Variants in ARMC9 observed in about 807,000 individuals in gnomAD.
The protein encoded by ARMC9 is armadillo repeat containing 9, also known as lisH domain-containing protein ARMC9.
In ARMC9, 94 loss-of-function variants were observed where a neutral mutation model predicts 107.0. That is an observed-to-expected ratio of 0.88 (90% CI 0.74 to 1.04). The LOEUF (loss-of-function observed/expected upper bound fraction) is 1.04. Among genes scored for constraint, ARMC9 ranks in the 50% least tolerant of loss-of-function variants. ARMC9 has a pLI of 0.00. For missense variants in ARMC9, 942 were observed against 1,030.1 expected, an observed-to-expected ratio of 0.91 and a Z score of 1.17; for synonymous variants, 380 against 396.9, an observed-to-expected ratio of 0.96 and a Z score of 0.51.
Position 231,208,622 on chromosome 2 carries a change from A to C in ARMC9, c.177+370A>C, listed in dbSNP as rs995043722. ...AGCCCCTTGCCAGCACAGCATTTGCATTCTAGCTTGGGGAGGTTGGAGGGA... is the reference window on the plus strand; with the variant it reads ...AGCCCCTTGCCAGCACAGCATTTGCCTTCTAGCTTGGGGAGGTTGGAGGGA... On this transcript the variant is annotated intron_variant, in intron 3 of 24. Transcript: ENST00000611582. Among the ~76,000 whole-genome samples, 108 of 152,362 alleles carry C rather than the reference A, an allele frequency of 7.1e-4. 1 individual carries two copies. The highest frequency in any genetic ancestry group is 2.5e-3 in the African/African-American group (103 of 41,590).
At chr2:231,352,661 GGATAGATA>G (rs150058513) in intron 21 of ARMC9, among the ~76,000 whole-genome samples, 40,131 of 144,908 alleles carry the variant, frequency 0.28, 5,722 homozygotes, top group African/African-American at 0.36. Flanking sequence ...GATGTTCACA[GGATAGATA>G]GATAGATAGA....
chr2:231,297,529 C>T lies in ARMC9; in HGVS notation c.1773+1276C>T, dbSNP rs1002279460. Among the ~76,000 whole-genome samples, 2 of 152,232 alleles carry T rather than the reference C, an allele frequency of 1.3e-5. No homozygotes were observed. The highest frequency in any genetic ancestry group is 4.8e-5 in the African/African-American group (2 of 41,458). On this transcript the variant is annotated intron_variant, in intron 19 of 24. Transcript: ENST00000611582. The surrounding 1 kb of genome is among the most constrained non-coding windows in gnomAD (Gnocchi z 4.2). ...TGTAACACGGTGGCTGTCAGCAGTACATAAGTGGCTGAACGTGGCTGTGTT... is the reference window on the plus strand; with the variant it reads ...TGTAACACGGTGGCTGTCAGCAGTATATAAGTGGCTGAACGTGGCTGTGTT...
At chr2:231,327,902 A>C (rs1417454868) in intron 19 of ARMC9, among the ~76,000 whole-genome samples, 1 of 152,084 alleles carries the variant, frequency 6.6e-6, no homozygotes, top group Non-Finnish European at 1.5e-5. Flanking sequence ...CTCATGCTTC[A>C]ACCTCCAAAG....
chr2:231,218,144 T>G (rs1434509544), intron 5 of ARMC9, among the ~76,000 whole-genome samples: 1 of 152,326 alleles, frequency 6.6e-6, no homozygotes, highest in South Asian at 2.1e-4. Context: ...GAATAGTAAC[T>G]GCTAAACTGA....
At chr2:231,215,224 T>G in intron 4 of ARMC9, 2 of 495,866 alleles carry the variant, frequency 4.0e-6, no homozygotes, top group East Asian at 7.2e-5. Context: ...AAAGCTATAT[T>G]CCTAAATACC....
At position 231,374,608 on chromosome 2, in the gene ARMC9, GAAAA is replaced by G. The variant is rs2046140358; in HGVS notation, c.*3074_*3077del. On this transcript the variant is annotated 3_prime_UTR_variant, in exon 25 of 25. Coordinates refer to ENST00000611582, the MANE Select transcript of ARMC9 (RefSeq NM_001352754.2). Reference sequence around the variant, plus strand: ...ACAAATAAGGTTCATGAAAAAAAAAGAAAAGAAAGAAAAGGTAAAGAAAAGAAAT... The same window carrying G: ...ACAAATAAGGTTCATGAAAAAAAAAGGAAAGAAAAGGTAAAGAAAAGAAAT... 1 of 147,786 alleles carries G rather than the reference GAAAA, an allele frequency of 6.8e-6. No individual in the cohort carries two copies. Among genetic ancestry groups the G allele is most frequent in the Non-Finnish European group, 1.5e-5 (1 of 66,668 alleles). 9.2% of individuals were successfully genotyped at this position (147,786 alleles called of 1,614,324 possible).
rs1446272868 is a variant in ARMC9 at position 231,370,058 on chromosome 2, C to T, written c.2367C>T (p.Phe789=). The change falls in exon 24 of 25, where the codon TTC becomes TTT. Residue 789 remains phenylalanine, a synonymous_variant. Coordinates refer to ENST00000611582, the MANE Select transcript of ARMC9 (RefSeq NM_001352754.2). ...AGGCGTCAGTTCTGGCCCCTCTGTT[C>T]TCTTCGTGTGGCCCCCAGCAGGCCA... ...KAKASVLAPL[F]SSCGPQQASR... 9.1e-6 allele frequency: 14 copies of T among 1,535,392 alleles called. No homozygotes were observed. Among genetic ancestry groups the T allele is most frequent in the Admixed American group, 2.0e-5 (1 of 50,922 alleles).
chr2:231,287,316 C>G (rs2040665372), intron 17 of ARMC9, among the ~76,000 whole-genome samples: 1 of 152,222 alleles, frequency 6.6e-6, no homozygotes, highest in African/African-American at 2.4e-5. Context: ...TTGCCCACTT[C>G]TGAATCAAAG....
Position 231,362,825 on chromosome 2 carries a change from C to G in ARMC9, c.2261+1942C>G, listed in dbSNP as rs2045645748. 6.5e-6 allele frequency: 1 copy of G among 154,196 alleles called. No individual in the cohort carries two copies. Among genetic ancestry groups the G allele is most frequent in the Non-Finnish European group, 1.5e-5 (1 of 68,188 alleles). 9.6% of individuals were successfully genotyped at this position (154,196 alleles called of 1,614,324 possible). The stretch of plus-strand genomic sequence containing the variant: ...AAGTGGCCATCTCTTGTCAGGCTGA[C>G]TTCAGCCCCAATTCAGGTCTCACTG... On this transcript the variant is annotated intron_variant, in intron 23 of 24. Transcript: ENST00000611582. The surrounding 1 kb of genome is among the most constrained non-coding windows in gnomAD (Gnocchi z 4.7).
At chr2:231,352,378 G>A (rs150420927) in intron 21 of ARMC9, among the ~76,000 whole-genome samples, 2,187 of 151,554 alleles carry the variant, frequency 0.014, 59 homozygotes, top group African/African-American at 0.049. Context: ...TTGCAACCTC[G>A]GTCTCCTGGG....
At chr2:231,303,955 G>A (rs1294305532) in intron 19 of ARMC9, among the ~76,000 whole-genome samples, 1 of 151,080 alleles carries the variant, frequency 6.6e-6, no homozygotes, top group Non-Finnish European at 1.5e-5. Context: ...ATTATGGCCA[G>A]GCGTGGTGGC....
intron 20 of ARMC9, among the ~76,000 whole-genome samples, chr2:231,340,843 G>A (rs763101220): frequency 2.6e-5 from 4 of 152,126 alleles, no homozygotes; most frequent in Non-Finnish European, 1.5e-5. Flanking sequence ...AGCCAAGATC[G>A]CGCCACTGTA....
intron 19 of ARMC9, 115 bp from the exon 20 acceptor site, chr2:231,331,678 T>G (rs955726832): frequency 1.9e-5 from 16 of 823,484 alleles, no homozygotes; most frequent in Non-Finnish European, 2.9e-5. Flanking sequence ...GCCTGCAAGT[T>G]GCTGTGATTG....
intron 12 of ARMC9, among the ~76,000 whole-genome samples, chr2:231,265,769 G>T (rs1175041973): frequency 6.6e-6 from 1 of 151,728 alleles, no homozygotes; most frequent in Non-Finnish European, 1.5e-5. Context: ...CACTTTGGGA[G>T]GCCTGAGGTG....
chr2:231,268,460 A>G (rs1053674507), intron 12 of ARMC9, among the ~76,000 whole-genome samples: 9 of 152,142 alleles, frequency 5.9e-5, no homozygotes, highest in Admixed American at 1.3e-4. Context: ...ATTCTGGTGC[A>G]TAGCTGCTGT....
At position 231,372,538 on chromosome 2, in the gene ARMC9, C is replaced by T. The variant is rs1054759646; in HGVS notation, c.*1003C>T. 1.3e-5 allele frequency: 2 copies of T among 152,340 alleles called. No homozygotes were observed. The highest frequency in any genetic ancestry group is 4.8e-5 in the African/African-American group (2 of 41,454). The allele number at this position is 152,340 out of a possible 1,614,324, so 9.4% of individuals were successfully genotyped here. A position where few individuals can be genotyped will look rare whatever the true frequency, so the allele number is the denominator to read the frequency against. On this transcript the variant is annotated 3_prime_UTR_variant, in exon 25 of 25. Coordinates refer to ENST00000611582, the MANE Select transcript of ARMC9 (RefSeq NM_001352754.2). ...ATAAACAGCTCTACCAGCAAAGTGA[C>T]CCATCCCGCGGGGGAGGCCTGCGCA...
At chr2:231,304,178 C>T (rs945555587) in intron 19 of ARMC9, among the ~76,000 whole-genome samples, 2 of 151,964 alleles carry the variant, frequency 1.3e-5, no homozygotes, top group South Asian at 2.1e-4. Flanking sequence ...TGCAGTGAGC[C>T]GAGATCGCGC....
intron 17 of ARMC9, among the ~76,000 whole-genome samples, chr2:231,285,309 A>C: frequency 6.6e-6 from 1 of 152,088 alleles, no homozygotes; most frequent in East Asian, 1.9e-4. Context: ...ATAGGCTGTG[A>C]GTTTTGGACT....
At chr2:231,232,839 G>A (rs2035362654) in intron 7 of ARMC9, among the ~76,000 whole-genome samples, 1 of 151,966 alleles carries the variant, frequency 6.6e-6, no homozygotes, top group African/African-American at 2.4e-5. Context: ...TTGATATTTT[G>A]GGTTTTTAAT....
Sources: allele counts gnomAD v4.1 joint callset (sites outside exome capture counted in the v4.1 genomes callset), GRCh38; gene constraint gnomAD v4.1.1; non-coding constraint Gnocchi (gnomAD v3.1); transcripts MANE v1.5; gene names NCBI Gene and HGNC (gene_info 2026-07-23, HGNC 2026-07-21).